PTPRK: variants seen among roughly 807,000 people sequenced by gnomAD.
PTPRK encodes the protein protein tyrosine phosphatase receptor type K.
Under a neutral mutation model 178.0 loss-of-function variants are expected in PTPRK, and 75 were observed. The observed-to-expected ratio is 0.42, with a 90% CI of 0.35 to 0.51. The LOEUF (loss-of-function observed/expected upper bound fraction) is 0.51. Among genes scored for constraint, PTPRK ranks in the 20% least tolerant of loss-of-function variants. The pLI is 0.02. For missense variants in PTPRK, 1,441 were observed against 1,797.8 expected, an observed-to-expected ratio of 0.80 and a Z score of 3.59; for synonymous variants, 637 against 620.6, an observed-to-expected ratio of 1.03 and a Z score of -0.39.
chr6:128,097,710 C>G (rs1465243904), intron 7 of PTPRK, among the ~76,000 whole-genome samples: 4 of 152,092 alleles, frequency 2.6e-5, no homozygotes, highest in African/African-American at 4.8e-5. Context: ...ATCACATTCA[C>G]ATGTTATTTA....
At chr6:128,280,159 A>G (rs1821441731) in intron 3 of PTPRK, among the ~76,000 whole-genome samples, 3 of 152,084 alleles carry the variant, frequency 2.0e-5, no homozygotes, top group Admixed American at 6.6e-5. Flanking sequence ...ATCAAACTTA[A>G]TATCTCCTCC....
chr6:128,106,360 T>C (rs1304353506), intron 7 of PTPRK, among the ~76,000 whole-genome samples: 1 of 152,182 alleles, frequency 6.6e-6, no homozygotes, highest in African/African-American at 2.4e-5. Flanking sequence ...TGGCTGTTTA[T>C]CCATCTTCTA....
chr6:128,448,125 C>A (rs1239692912), intron 1 of PTPRK, among the ~76,000 whole-genome samples: 1 of 152,128 alleles, frequency 6.6e-6, no homozygotes, highest in East Asian at 1.9e-4. Context: ...ACCTCTAACG[C>A]ACGTACACGC....
At chr6:128,410,802 T>C (rs1473462345) in intron 1 of PTPRK, among the ~76,000 whole-genome samples, 2 of 152,194 alleles carry the variant, frequency 1.3e-5, no homozygotes, top group Admixed American at 6.5e-5. Context: ...GCAGGGTAAG[T>C]GAGGGTGAGA....
intron 1 of PTPRK, among the ~76,000 whole-genome samples, chr6:128,400,405 C>T (rs1190681148): frequency 6.6e-6 from 1 of 151,924 alleles, no homozygotes; most frequent in East Asian, 1.9e-4. Flanking sequence ...TAATGAGCAT[C>T]CAGAATACAT....
intron 15 of PTPRK, among the ~76,000 whole-genome samples, chr6:128,001,783 A>T (rs562841017): frequency 9.2e-5 from 14 of 152,136 alleles, no homozygotes; most frequent in Admixed American, 2.6e-4. Context: ...TGGACTTTAC[A>T]TATGTGTAGA....
chr6:128,315,326 A>G (rs1827850452), intron 3 of PTPRK, among the ~76,000 whole-genome samples: 1 of 152,128 alleles, frequency 6.6e-6, no homozygotes, highest in Admixed American at 6.5e-5. Flanking sequence ...ATTTGACTAT[A>G]GACCTTATTT....
chr6:128,300,459 C>G (rs1448271011), intron 3 of PTPRK, among the ~76,000 whole-genome samples: 1 of 151,928 alleles, frequency 6.6e-6, no homozygotes, highest in Non-Finnish European at 1.5e-5. Context: ...ATAGCAAAGA[C>G]TTGGATCCAA....
intron 5 of PTPRK, among the ~76,000 whole-genome samples, chr6:128,219,373 C>A (rs1257100721): frequency 6.6e-6 from 1 of 152,328 alleles, no homozygotes; most frequent in Non-Finnish European, 1.5e-5. Context: ...CACCTCAAAT[C>A]ATCAGGCATT....
intron 1 of PTPRK, among the ~76,000 whole-genome samples, chr6:128,422,724 T>C (rs1242175141): frequency 3.5e-5 from 5 of 144,436 alleles, no homozygotes; most frequent in Admixed American, 3.4e-4. Flanking sequence ...TTCTGATGTT[T>C]AGAAATATTA....
intron 2 of PTPRK, among the ~76,000 whole-genome samples, chr6:128,395,592 T>A (rs989707541): frequency 1.3e-5 from 2 of 152,136 alleles, no homozygotes; most frequent in African/African-American, 4.8e-5. Flanking sequence ...TAATTTTATA[T>A]GAAAAGTTTA....
intron 6 of PTPRK, among the ~76,000 whole-genome samples, chr6:128,197,905 G>A (rs1029025161): frequency 6.6e-6 from 1 of 152,144 alleles, no homozygotes; most frequent in African/African-American, 2.4e-5. Context: ...CAAGTATAGT[G>A]CAGAGAAAGT....
At chr6:128,192,312 T>C (rs946448576) in intron 6 of PTPRK, among the ~76,000 whole-genome samples, 1 of 152,162 alleles carries the variant, frequency 6.6e-6, no homozygotes, top group African/African-American at 2.4e-5. Flanking sequence ...AAAAAGTTAA[T>C]AGCAGTGACC....
chr6:128,487,898 A>G (rs928828333), intron 1 of PTPRK, among the ~76,000 whole-genome samples: 1 of 152,194 alleles, frequency 6.6e-6, no homozygotes, highest in African/African-American at 2.4e-5. Flanking sequence ...ACCGCATTCA[A>G]TGAGGTGTAG....
At chr6:127,980,351 G>A (rs1775166836) in intron 25 of PTPRK, among the ~76,000 whole-genome samples, 1 of 152,014 alleles carries the variant, frequency 6.6e-6, no homozygotes, top group East Asian at 1.9e-4. Context: ...TAAGCGGGGT[G>A]TGGTAGAGCA....
intron 1 of PTPRK, among the ~76,000 whole-genome samples, chr6:128,427,896 T>C (rs897265736): frequency 6.6e-6 from 1 of 152,022 alleles, no homozygotes; most frequent in Admixed American, 6.6e-5. Context: ...ATCGAGAGCA[T>C]CCTGGCCAAC....
At chr6:128,389,919 T>C (rs1485590198) in intron 2 of PTPRK, among the ~76,000 whole-genome samples, 1 of 152,110 alleles carries the variant, frequency 6.6e-6, no homozygotes, top group Non-Finnish European at 1.5e-5. Flanking sequence ...TAACAGTCCT[T>C]ACATTAAAAA....
chr6:128,385,747 CT>C (rs1289627379), intron 2 of PTPRK, among the ~76,000 whole-genome samples: 1 of 152,182 alleles, frequency 6.6e-6, no homozygotes, highest in African/African-American at 2.4e-5. Flanking sequence ...CAGATTAAGT[CT>C]TCAAATACTG....
chr6:128,102,238 C>A (rs1177723906), intron 7 of PTPRK, among the ~76,000 whole-genome samples: 2 of 152,138 alleles, frequency 1.3e-5, no homozygotes, highest in Non-Finnish European at 2.9e-5. Context: ...AAATAATTAG[C>A]AAGAAATTAC....
Sources: gnomAD v4.1 joint callset for allele counts (sites outside exome capture counted in the v4.1 genomes callset) on GRCh38, gnomAD v4.1.1 for gene constraint, MANE v1.5 for transcripts, NCBI Gene and HGNC (gene_info 2026-07-23, HGNC 2026-07-21) for gene names.